The following CCDC85A variants were observed in gnomAD, a reference collection of about 807,000 sequenced individuals.
CCDC85A encodes the protein coiled-coil domain containing 85A, also known as coiled-coil domain-containing protein 85A.
CCDC85A carries 38 observed loss-of-function variants against 50.2 expected under a neutral mutation model. That is an observed-to-expected ratio of 0.76 (90% CI 0.58 to 0.99). The LOEUF (loss-of-function observed/expected upper bound fraction) is 0.99. CCDC85A is among the 50% of genes least tolerant of loss of function. The pLI is 0.00. For synonymous variants in CCDC85A, 366 were observed against 301.4 expected (o/e 1.21, Z -2.22); for missense variants, 820 against 742.0 (o/e 1.11, Z -1.22).
chr2:56,286,960 A>G (rs564747890), intron 2 of CCDC85A, among the ~76,000 whole-genome samples: 2 of 152,292 alleles, frequency 1.3e-5, no homozygotes, highest in East Asian at 3.9e-4. Context: ...CCTTATACCT[A>G]CAGACACGAC....
At chr2:56,196,841 C>T (rs569077454) in intron 2 of CCDC85A, among the ~76,000 whole-genome samples, 30 of 144,814 alleles carry the variant, frequency 2.1e-4, no homozygotes, top group Non-Finnish European at 3.1e-4. Context: ...AATAAATAGA[C>T]GAAGAAATGG....
chr2:56,249,829 T>A (rs1669676461), intron 2 of CCDC85A, among the ~76,000 whole-genome samples: 1 of 152,222 alleles, frequency 6.6e-6, no homozygotes, highest in South Asian at 2.1e-4. Context: ...GGCATTTGTG[T>A]CCTTCAGATG....
chr2:56,298,955 G>C (rs1390376987), intron 2 of CCDC85A, among the ~76,000 whole-genome samples: 1 of 152,102 alleles, frequency 6.6e-6, no homozygotes, highest in Non-Finnish European at 1.5e-5. Context: ...AAAGGTACAA[G>C]TTTCTTCTTC....
At chr2:56,361,395 C>G (rs970554462) in intron 3 of CCDC85A, among the ~76,000 whole-genome samples, 1 of 152,220 alleles carries the variant, frequency 6.6e-6, no homozygotes, top group East Asian at 1.9e-4. Context: ...AGAATACAGT[C>G]TTAAATAAGA....
chr2:56,328,824 C>T (rs1300402743), intron 2 of CCDC85A, among the ~76,000 whole-genome samples: 4 of 152,136 alleles, frequency 2.6e-5, no homozygotes, highest in Non-Finnish European at 4.4e-5. Flanking sequence ...CTGGCTCATG[C>T]ACAACCCACA....
At chr2:56,221,269 T>C (rs1476756848) in intron 2 of CCDC85A, among the ~76,000 whole-genome samples, 1 of 152,054 alleles carries the variant, frequency 6.6e-6, no homozygotes, top group East Asian at 1.9e-4. Context: ...CATCATGAAG[T>C]TTTATACCAT....
intron 2 of CCDC85A, among the ~76,000 whole-genome samples, chr2:56,245,765 T>G (rs1412415372): frequency 1.3e-5 from 2 of 152,144 alleles, no homozygotes; most frequent in Admixed American, 1.3e-4. Flanking sequence ...TTAATAGCCA[T>G]GAGGCTATTA....
At chr2:56,204,552 C>G (rs1676884000) in intron 2 of CCDC85A, among the ~76,000 whole-genome samples, 1 of 152,222 alleles carries the variant, frequency 6.6e-6, no homozygotes, top group South Asian at 2.1e-4. Context: ...CTTGCCCTTC[C>G]TCTTCCAAGG....
chr2:56,299,054 TGTG>T (rs1416052989), intron 2 of CCDC85A, among the ~76,000 whole-genome samples: 1 of 152,064 alleles, frequency 6.6e-6, no homozygotes, highest in African/African-American at 2.4e-5. Context: ...CATACAACAG[TGTG>T]GAAGGCCTGA....
intron 3 of CCDC85A, among the ~76,000 whole-genome samples, chr2:56,346,008 G>T (rs887161565): frequency 5.9e-5 from 9 of 152,142 alleles, no homozygotes; most frequent in Non-Finnish European, 8.8e-5. Flanking sequence ...ATAAACAGAA[G>T]TAAGAATGTA....
At chr2:56,190,653 G>A (rs1676255519) in intron 1 of CCDC85A, among the ~76,000 whole-genome samples, 1 of 152,102 alleles carries the variant, frequency 6.6e-6, no homozygotes, top group Non-Finnish European at 1.5e-5. Context: ...AGGTGAGAGG[G>A]AAAGGCCTTG....
intron 2 of CCDC85A, among the ~76,000 whole-genome samples, chr2:56,333,635 G>A (rs1673925529): frequency 6.6e-6 from 1 of 152,120 alleles, no homozygotes. Context: ...AGCACTGGGG[G>A]AGGAGGAGGC....
chr2:56,317,979 A>T (rs897020623), intron 2 of CCDC85A, among the ~76,000 whole-genome samples: 2 of 152,080 alleles, frequency 1.3e-5, no homozygotes, highest in South Asian at 4.1e-4. Context: ...TCTGCTATGC[A>T]TTTCATCTAC....
chr2:56,188,313 C>T (rs1676139125), intron 1 of CCDC85A, among the ~76,000 whole-genome samples: 1 of 152,162 alleles, frequency 6.6e-6, no homozygotes. Flanking sequence ...CTCAAGAAAA[C>T]TAATAATAGA....
At chr2:56,265,789 C>T (rs891568900) in intron 2 of CCDC85A, among the ~76,000 whole-genome samples, 7 of 149,948 alleles carry the variant, frequency 4.7e-5, no homozygotes, top group Non-Finnish European at 1.0e-4. Flanking sequence ...AGTCTCACTA[C>T]TGGGTATATA....
intron 2 of CCDC85A, among the ~76,000 whole-genome samples, chr2:56,289,489 G>A (rs1008236981): frequency 7.9e-5 from 12 of 152,120 alleles, no homozygotes; most frequent in African/African-American, 1.9e-4. Flanking sequence ...GATATGGGTG[G>A]TAGAAGGACA....
intron 2 of CCDC85A, among the ~76,000 whole-genome samples, chr2:56,272,322 T>C (rs1403625048): frequency 2.6e-5 from 4 of 151,982 alleles, no homozygotes; most frequent in African/African-American, 9.7e-5. Context: ...CAGAGGGGGA[T>C]ATAAGCCAGA....
At chr2:56,297,539 C>T (rs535523247) in intron 2 of CCDC85A, among the ~76,000 whole-genome samples, 2 of 152,182 alleles carry the variant, frequency 1.3e-5, no homozygotes, top group South Asian at 4.1e-4. Context: ...CAAGAGTTAA[C>T]TGACTGAATG....
chr2:56,362,635 G>T (rs1047487411), intron 3 of CCDC85A, among the ~76,000 whole-genome samples: 1 of 151,006 alleles, frequency 6.6e-6, no homozygotes, highest in Non-Finnish European at 1.5e-5. Flanking sequence ...TCGCTCTGTT[G>T]CCCAGTGAAG....
Sources: allele counts gnomAD v4.1 joint callset (sites outside exome capture counted in the v4.1 genomes callset), GRCh38; gene constraint gnomAD v4.1.1; transcripts MANE v1.5; gene names NCBI Gene and HGNC (gene_info 2026-07-23, HGNC 2026-07-21).